ACSM4: variants seen among roughly 807,000 people sequenced by gnomAD.
ACSM4 encodes acyl-CoA synthetase medium chain family member 4.
Under a neutral mutation model 73.0 loss-of-function variants are expected in ACSM4, and 66 were observed. That is an observed-to-expected ratio of 0.90 (90% confidence interval 0.74 to 1.11). The LOEUF is 1.11. Among genes scored for constraint, ACSM4 ranks in the 50% least tolerant of loss-of-function variants. The pLI is 0.00. For missense variants in ACSM4, 645 were observed against 714.4 expected, an observed-to-expected ratio of 0.90 and a Z score of 1.11; for synonymous variants, 222 against 254.0, an observed-to-expected ratio of 0.87 and a Z score of 1.20.
intron 6 of ACSM4, 138 bp downstream of exon 6, chr12:7,320,942 C>A: frequency 2.6e-6 from 2 of 781,734 alleles, no homozygotes. Flanking sequence ...ATAATTCTAT[C>A]GTCGGAGGAC....
chr12:7,323,434 C>A (rs760916042), intron 8 of ACSM4, 25 bp from the exon 9 acceptor site: 1 of 1,609,924 alleles, frequency 6.2e-7, no homozygotes. Context: ...AATTTTAAGA[C>A]CATCAATTAT....
At chr12:7,321,974 T>C (rs1212877264) in intron 6 of ACSM4, among the ~76,000 whole-genome samples, 1 of 152,232 alleles carries the variant, frequency 6.6e-6, no homozygotes, top group African/African-American at 2.4e-5. Flanking sequence ...CATGGAAGGC[T>C]TTCGGCAAGT....
rs187300845 is a variant in ACSM4, at chr12:7,320,617, C to T, written c.922-108C>T. On this transcript the variant is annotated intron_variant, in intron 5 of 12. Coordinates refer to ENST00000399422, the MANE Select transcript of ACSM4 (RefSeq NM_001080454.2). ...GTTTTCTTATTCCTAGTAGTGACCA[C>T]GGGATGGGCACATATTAATGGAAGA... 255 of 861,644 alleles carry T rather than the reference C, an allele frequency of 3.0e-4. 3 individuals carry two copies. The East Asian group carries it at 4.6e-3, about 16-fold the overall frequency. 53.4% of individuals were successfully genotyped at this position (861,644 alleles called of 1,614,324 possible).
In ACSM4 at chr12:7,318,184, TAA is replaced by T; in HGVS notation, c.921+3_921+4del. ...TTTGACACTGACACCTTCCTAGACGTAAGTCATGTCCTCCAGCTAGATAGATC... is the reference window on the plus strand; with the variant it reads ...TTTGACACTGACACCTTCCTAGACGTGTCATGTCCTCCAGCTAGATAGATC... On this transcript the variant is annotated splice_donor_region_variant and intron_variant, in intron 5 of 12. Transcript: ENST00000399422. 6.2e-7 allele frequency: 1 copy of T among 1,612,844 alleles called. No individual in the cohort carries two copies. Among genetic ancestry groups the T allele is most frequent in the Non-Finnish European group, 8.5e-7 (1 of 1,179,700 alleles).
chr12:7,328,373 G>A lies in ACSM4; in HGVS notation c.1743G>A (p.Ter581=). ...GAGACCAAGAATGGAGAGGAAGATA[G>A]TTTGATAACAAAGCTGAAGGGTTAA... ...VLRDQEWRGR[*] The change falls in exon 13 of 13, where the codon TAG becomes TAA. Residue 581 remains the stop codon, a stop_retained_variant. Transcript: ENST00000399422. 1 of 1,581,634 alleles carries A rather than the reference G, an allele frequency of 6.3e-7. No individual in the cohort carries two copies. Among genetic ancestry groups the A allele is most frequent in the Non-Finnish European group, 8.6e-7 (1 of 1,162,324 alleles).
intron 6 of ACSM4, among the ~76,000 whole-genome samples, chr12:7,321,977 C>T (rs559276653): frequency 3.7e-4 from 56 of 152,298 alleles, no homozygotes; most frequent in African/African-American, 1.2e-3. Context: ...GGAAGGCTTT[C>T]GGCAAGTTCT....
chr12:7,321,631 T>C (rs973539375), intron 6 of ACSM4, among the ~76,000 whole-genome samples: 1 of 152,232 alleles, frequency 6.6e-6, no homozygotes, highest in African/African-American at 2.4e-5. Context: ...TACACATGAT[T>C]TGTATTCTAC....
At position 7,324,335 on chromosome 12, in the gene ACSM4, A is replaced by G. The variant is rs756764302; in HGVS notation, c.1371A>G (p.Gly457=). 5.0e-6 allele frequency: 8 copies of G among 1,613,970 alleles called. No individual in the cohort carries two copies. Among genetic ancestry groups the G allele is most frequent in the East Asian group, 4.5e-5 (2 of 44,848 alleles). ...ATTTTTATGTCACTGGAGACAGAGG[A>G]GTGATGGACAGTGATGGGTATTTCT... ...RGDFYVTGDR[G]VMDSDGYFWF... The change falls in exon 10 of 13, where the codon GGA becomes GGG. Residue 457 remains glycine (G), a synonymous_variant. Transcript: ENST00000399422.
At chr12:7,305,144 G>C (rs1339837174) in intron 1 of ACSM4, among the ~76,000 whole-genome samples, 1 of 152,162 alleles carries the variant, frequency 6.6e-6, no homozygotes, top group African/African-American at 2.4e-5. Context: ...GTTAAATACA[G>C]GGGGAAAGCC....
In ACSM4 at chr12:7,328,492, A is replaced by C. The variant is rs773237457; in HGVS notation, c.*119A>C. 7.6e-6 allele frequency: 6 copies of C among 792,088 alleles called. No individual in the cohort carries two copies. The African/African-American group carries it at 9.2e-5, about 12-fold the overall frequency. 49.1% of individuals were successfully genotyped at this position (792,088 alleles called of 1,614,324 possible). On this transcript the variant is annotated 3_prime_UTR_variant, in exon 13 of 13. Transcript: ENST00000399422. The stretch of plus-strand genomic sequence containing the variant: ...AAGATCTTTCCTGCTTGAAAACTCA[A>C]CTGTTGATTTTTTGGTTTTTACTTA...
chr12:7,318,153 GCA>G lies in ACSM4; in HGVS notation c.895_896del (p.Gln299ValfsTer2), dbSNP rs776927205. The G allele has an allele frequency of 2.8e-4, 454 of 1,613,436 alleles. No individual in the cohort carries two copies. The highest frequency in any genetic ancestry group is 3.6e-4 in the Non-Finnish European group (422 of 1,179,822). ...CGACVFVHRM[A>X]QFDTDTFLDT... is the part of the protein sequence containing the mutation. ...AGCCTGTGTTTTTGTGCATCGAATGGCACAGTTTGACACTGACACCTTCCTAG... is the reference window on the plus strand; with the variant it reads ...AGCCTGTGTTTTTGTGCATCGAATGGCAGTTTGACACTGACACCTTCCTAG... On this transcript the variant is annotated frameshift_variant, in exon 5 of 13. Transcript: ENST00000399422. LOFTEE classifies it high-confidence loss of function.
intron 3 of ACSM4, among the ~76,000 whole-genome samples, chr12:7,313,897 G>C (rs903472893): frequency 1.3e-5 from 2 of 152,152 alleles, no homozygotes; most frequent in African/African-American, 4.8e-5. Flanking sequence ...AATTGACCCT[G>C]TAAGCAAGGG....
chr12:7,326,926 G>A, intron 11 of ACSM4, 50 bp from the exon 12 acceptor site: 1 of 1,534,060 alleles, frequency 6.5e-7, no homozygotes, highest in Non-Finnish European at 8.8e-7. Context: ...GCAAATCCTT[G>A]ATGTGTCTGA....
intron 4 of ACSM4, 48 bp from the exon 5 acceptor site, chr12:7,317,978 T>C: frequency 1.3e-6 from 2 of 1,589,220 alleles, no homozygotes; most frequent in Non-Finnish European, 1.7e-6. Context: ...TTTGTAATTT[T>C]TGTTTGTTTA....
intron 9 of ACSM4, 148 bp downstream of exon 9, chr12:7,323,708 C>T: frequency 2.8e-6 from 2 of 710,734 alleles, no homozygotes; most frequent in Non-Finnish European, 4.6e-6. Flanking sequence ...CCCAAGAGTA[C>T]TGTAAAGATG....
intron 2 of ACSM4, among the ~76,000 whole-genome samples, chr12:7,307,061 T>C (rs942128329): frequency 3.3e-5 from 5 of 152,140 alleles, no homozygotes; most frequent in Non-Finnish European, 7.4e-5. Flanking sequence ...CAGACCAGTC[T>C]GGCCAACATA....
chr12:7,320,747 C>T lies in ACSM4; in HGVS notation c.944C>T (p.Thr315Met), dbSNP rs1020311603. Residue 315 changes from threonine to methionine, a missense_variant, in exon 6 of 13, where the codon ACG (threonine) becomes ATG (methionine). Transcript: ENST00000399422. ...FLDTLTTYPITTLCSPPTVYR... is the reference protein window; with the variant it reads ...FLDTLTTYPIMTLCSPPTVYR... ...CAGACACTTACTACTTATCCCATCA[C>T]GACCCTGTGCAGTCCTCCCACTGTG... The T allele has an allele frequency of 9.3e-6, 15 of 1,613,590 alleles. 1 individual carries two copies. Among genetic ancestry groups the T allele is most frequent in the South Asian group, 3.3e-5 (3 of 91,068 alleles).
chr12:7,316,518 G>T (rs1307672268), intron 3 of ACSM4, among the ~76,000 whole-genome samples: 2 of 152,170 alleles, frequency 1.3e-5, no homozygotes, highest in African/African-American at 4.8e-5. Context: ...ACTGTGACTG[G>T]CTTAGATTAA....
At chr12:7,311,740 G>C (rs1946391909) in intron 3 of ACSM4, among the ~76,000 whole-genome samples, 1 of 152,134 alleles carries the variant, frequency 6.6e-6, no homozygotes. Flanking sequence ...ACCCAGGCTA[G>C]AGTACAGTGG....
Sources: gnomAD v4.1 joint callset for allele counts (sites outside exome capture counted in the v4.1 genomes callset) on GRCh38, gnomAD v4.1.1 for gene constraint, MANE v1.5 for transcripts, NCBI Gene and HGNC (gene_info 2026-07-23, HGNC 2026-07-21) for gene names.